The following CFAP299 variants were observed in gnomAD, a reference collection of about 807,000 sequenced individuals.
The protein encoded by CFAP299 is cilia- and flagella-associated protein 299.
Under a neutral mutation model 27.0 loss-of-function variants are expected in CFAP299, and 21 were observed. The observed-to-expected ratio is 0.78, with a 90% CI of 0.55 to 1.12. CFAP299 has a LOEUF of 1.12. CFAP299 is among the 50% of genes most tolerant of loss of function. The pLI is 0.00. For missense variants in CFAP299, 310 were observed against 276.6 expected, an observed-to-expected ratio of 1.12 and a Z score of -0.86; for synonymous variants, 104 against 98.1, an observed-to-expected ratio of 1.06 and a Z score of -0.36.
At chr4:80,781,094 A>G (rs1241295380) in intron 3 of CFAP299, among the ~76,000 whole-genome samples, 1 of 151,964 alleles carries the variant, frequency 6.6e-6, no homozygotes, top group Admixed American at 6.6e-5. Context: ...ATATTAGGTA[A>G]AGAAAGAAAA....
chr4:80,425,286 A>G (rs998181641), intron 2 of CFAP299, among the ~76,000 whole-genome samples: 2 of 152,176 alleles, frequency 1.3e-5, no homozygotes, highest in African/African-American at 2.4e-5. Context: ...TCTGCACTGT[A>G]TATCCAGTCC....
chr4:80,724,787 C>T (rs892709020), intron 3 of CFAP299, among the ~76,000 whole-genome samples: 4 of 151,882 alleles, frequency 2.6e-5, no homozygotes, highest in African/African-American at 7.2e-5. Flanking sequence ...ATAAGTTTCT[C>T]CTTGTTCTCT....
At chr4:80,929,494 C>T (rs1736489781) in intron 4 of CFAP299, among the ~76,000 whole-genome samples, 1 of 152,162 alleles carries the variant, frequency 6.6e-6, no homozygotes, top group Non-Finnish European at 1.5e-5. Context: ...CCCATCCAGT[C>T]TCTGAAGCTA....
rs1560485427 is a variant in CFAP299, at chr4:80,940,116, C to T, written c.477-4694C>T. 2.6e-5 allele frequency among the ~76,000 whole-genome samples: 4 copies of T among 152,148 alleles called. No individual in the cohort carries two copies. In the South Asian group the frequency reaches 6.2e-4, roughly 24 times the overall value. Reference sequence around the variant, plus strand: ...AGGGTGCATATTAGCCAGTAAGGGACACTGCAGATGAGGTTTTCCATAGAG... The same window carrying T: ...AGGGTGCATATTAGCCAGTAAGGGATACTGCAGATGAGGTTTTCCATAGAG... On this transcript the variant is annotated intron_variant, in intron 4 of 5. Coordinates refer to ENST00000358105, the MANE Select transcript of CFAP299 (RefSeq NM_152770.3).
chr4:80,794,751 T>C (rs746222613), intron 3 of CFAP299, among the ~76,000 whole-genome samples: 13 of 152,186 alleles, frequency 8.5e-5, no homozygotes, highest in Non-Finnish European at 1.5e-4. Context: ...GTGTGCAAGA[T>C]AGGCAAACTT....
chr4:80,548,358 A>G (rs115652376), intron 2 of CFAP299, among the ~76,000 whole-genome samples: 33 of 152,238 alleles, frequency 2.2e-4, no homozygotes, highest in African/African-American at 7.5e-4. Flanking sequence ...AAAGATGGAA[A>G]CAATAGGTAC....
intron 3 of CFAP299, among the ~76,000 whole-genome samples, chr4:80,860,198 C>T (rs1250281028): frequency 6.6e-6 from 1 of 152,174 alleles, no homozygotes; most frequent in African/African-American, 2.4e-5. Context: ...TCCAGTTGAT[C>T]GCATCGGCTC....
chr4:80,361,274 A>G (rs959238457), intron 1 of CFAP299, among the ~76,000 whole-genome samples: 1 of 152,248 alleles, frequency 6.6e-6, no homozygotes, highest in Non-Finnish European at 1.5e-5. Flanking sequence ...TTCACTCAGT[A>G]TTCAAAATAA....
chr4:80,696,486 GAGAC>G (rs1721101982), intron 3 of CFAP299, among the ~76,000 whole-genome samples: 1 of 151,748 alleles, frequency 6.6e-6, no homozygotes, highest in African/African-American at 2.4e-5. Flanking sequence ...ATAACAATAA[GAGAC>G]AGAAAAACAA....
chr4:80,826,261 A>G (rs1729979128), intron 3 of CFAP299, among the ~76,000 whole-genome samples: 1 of 151,812 alleles, frequency 6.6e-6, no homozygotes, highest in Non-Finnish European at 1.5e-5. Context: ...TAGTTAAAAT[A>G]TTTCACTAGA....
chr4:80,618,992 A>G (rs1028589477), intron 3 of CFAP299, among the ~76,000 whole-genome samples: 4 of 152,126 alleles, frequency 2.6e-5, no homozygotes, highest in African/African-American at 9.7e-5. Context: ...TGTAATATTT[A>G]TTACTTAAGG....
intron 3 of CFAP299, among the ~76,000 whole-genome samples, chr4:80,610,786 C>T (rs1311718961): frequency 6.6e-6 from 1 of 151,932 alleles, no homozygotes; most frequent in African/African-American, 2.4e-5. Context: ...ACCCAGATGG[C>T]TATCTCAAAT....
At chr4:80,419,888 C>A (rs1192459095) in intron 2 of CFAP299, among the ~76,000 whole-genome samples, 3 of 151,996 alleles carry the variant, frequency 2.0e-5, no homozygotes, top group African/African-American at 7.2e-5. Context: ...TTACCTTTGC[C>A]CTCTGAAAGT....
intron 3 of CFAP299, among the ~76,000 whole-genome samples, chr4:80,821,949 C>T (rs531645337): frequency 3.5e-4 from 53 of 152,124 alleles, no homozygotes; most frequent in African/African-American, 1.2e-3. Context: ...ACCATGGACT[C>T]TCCTGAGGGC....
intron 2 of CFAP299, among the ~76,000 whole-genome samples, chr4:80,390,537 GTATA>G (rs1560543061): frequency 2.5e-5 from 1 of 39,510 alleles, no homozygotes; most frequent in Non-Finnish European, 9.6e-5. Flanking sequence ...ATGTATATAT[GTATA>G]CACACATATA....
At chr4:80,919,200 G>A (rs774977744) in intron 4 of CFAP299, among the ~76,000 whole-genome samples, 26 of 152,158 alleles carry the variant, frequency 1.7e-4, no homozygotes, top group Middle Eastern at 6.8e-3. Context: ...GCTGCAAGTT[G>A]AGCAAATTAC....
At chr4:80,587,843 G>A (rs897222465) in intron 3 of CFAP299, among the ~76,000 whole-genome samples, 1 of 152,132 alleles carries the variant, frequency 6.6e-6, no homozygotes, top group Admixed American at 6.5e-5. Flanking sequence ...CCTCTTGCCT[G>A]GGCCTCCCAA....
At chr4:80,916,548 C>T (rs1261902122) in intron 4 of CFAP299, among the ~76,000 whole-genome samples, 1 of 151,622 alleles carries the variant, frequency 6.6e-6, no homozygotes, top group Non-Finnish European at 1.5e-5. Context: ...CAACTTTGCC[C>T]AATAACCTAT....
chr4:80,495,289 G>GA (rs35379325), intron 2 of CFAP299, among the ~76,000 whole-genome samples: 58,387 of 151,906 alleles, frequency 0.38, 14,576 homozygotes, highest in African/African-American at 0.71. Context: ...AGCAAAAAAG[G>GA]TGTGTAGCAA....
Sources: allele counts gnomAD v4.1 joint callset (sites outside exome capture counted in the v4.1 genomes callset), GRCh38; gene constraint gnomAD v4.1.1; transcripts MANE v1.5; gene names NCBI Gene and HGNC (gene_info 2026-07-23, HGNC 2026-07-21).